The following TECRL variants were observed in gnomAD, a reference collection of about 807,000 sequenced individuals.
The protein encoded by TECRL is trans-2,3-enoyl-CoA reductase like.
A neutral mutation model predicts 52.8 loss-of-function variants in TECRL; 63 were observed. The ratio of observed to expected loss-of-function variants is 1.19; its 90% CI spans 0.97 to 1.47. The LOEUF is 1.47. TECRL is among the 40% of genes most tolerant of loss of function. The pLI is 0.00. For synonymous variants in TECRL, 164 were observed against 141.9 expected, an observed-to-expected ratio of 1.16 and a Z score of -1.10; for missense variants, 482 against 429.6, an observed-to-expected ratio of 1.12 and a Z score of -1.08.
At chr4:64,297,540 T>C (rs1414223867) in intron 8 of TECRL, among the ~76,000 whole-genome samples, 1 of 151,074 alleles carries the variant, frequency 6.6e-6, no homozygotes, top group East Asian at 1.9e-4. Context: ...TTCTGTACAA[T>C]ATGGATTGTA....
chr4:64,349,855 G>A (rs1049724305), intron 2 of TECRL, among the ~76,000 whole-genome samples: 6 of 152,106 alleles, frequency 3.9e-5, no homozygotes, highest in Admixed American at 3.9e-4. Flanking sequence ...GGAATTTATA[G>A]GTGAAGAGTA....
intron 9 of TECRL, among the ~76,000 whole-genome samples, chr4:64,286,256 A>G (rs958961074): frequency 6.6e-6 from 1 of 152,090 alleles, no homozygotes; most frequent in Non-Finnish European, 1.5e-5. Context: ...ATAATACAAA[A>G]TAAGAGTTGA....
chr4:64,296,882 T>C (rs1328126372), intron 8 of TECRL, among the ~76,000 whole-genome samples: 1 of 151,640 alleles, frequency 6.6e-6, no homozygotes, highest in Non-Finnish European at 1.5e-5. Context: ...AAAGTTATTC[T>C]GATGTCTTCA....
intron 2 of TECRL, among the ~76,000 whole-genome samples, chr4:64,364,951 A>C (rs1721489853): frequency 6.6e-6 from 1 of 151,990 alleles, no homozygotes; most frequent in Admixed American, 6.6e-5. Context: ...GAGACATAAC[A>C]AAATAAGAAA....
intron 1 of TECRL, among the ~76,000 whole-genome samples, chr4:64,398,409 C>T (rs529341975): frequency 7.2e-5 from 11 of 152,110 alleles, no homozygotes; most frequent in Admixed American, 3.3e-4. Context: ...TCTCTTGGTA[C>T]TGTCCTCAAA....
chr4:64,409,214 T>C lies in TECRL; in HGVS notation c.138A>G (p.Leu46=), dbSNP rs1560569005. ...AATGTTTGACTGCTGGAGTTGGTCTTAGAGGGCCCGCTGAGAGTACAAGTT... is the reference window on the plus strand; with the variant it reads ...AATGTTTGACTGCTGGAGTTGGTCTCAGAGGGCCCGCTGAGAGTACAAGTT... The part of the protein sequence containing the change: ...LSKLVLSAGP[L]RPTPAVKHSK... The change falls in exon 1 of 12, where the codon CTA becomes CTG. Residue 46 remains leucine (L), a synonymous_variant. Transcript: ENST00000381210. 1 of 1,613,848 alleles carries C rather than the reference T, an allele frequency of 6.2e-7. No homozygotes were observed. Among genetic ancestry groups the C allele is most frequent in the Non-Finnish European group, 8.5e-7 (1 of 1,179,848 alleles).
At chr4:64,319,374 C>A (rs559044199) in intron 4 of TECRL, among the ~76,000 whole-genome samples, 2 of 151,694 alleles carry the variant, frequency 1.3e-5, no homozygotes, top group Non-Finnish European at 3.0e-5. Context: ...GGAGAGAACT[C>A]CAGGACCTAC....
intron 2 of TECRL, among the ~76,000 whole-genome samples, chr4:64,330,467 TA>T (rs1718561368): frequency 6.6e-6 from 1 of 151,752 alleles, no homozygotes; most frequent in African/African-American, 2.4e-5. Context: ...ATAATAGGAG[TA>T]AAATATATCT....
At chr4:64,341,918 CCTGATCCAACA>C (rs150114748) in intron 2 of TECRL, among the ~76,000 whole-genome samples, 11,830 of 152,202 alleles carry the variant, frequency 0.078, 617 homozygotes, top group African/African-American at 0.14. Flanking sequence ...TGTGGAGTGG[CCTGATCCAACA>C]CTCACTCACA....
chr4:64,369,600 G>C (rs1291560888), intron 2 of TECRL, among the ~76,000 whole-genome samples: 1 of 152,094 alleles, frequency 6.6e-6, no homozygotes, highest in Non-Finnish European at 1.5e-5. Flanking sequence ...AGTGGTCATA[G>C]TACAGGGTAC....
intron 2 of TECRL, among the ~76,000 whole-genome samples, chr4:64,347,919 G>A (rs1043412758): frequency 3.9e-5 from 6 of 152,084 alleles, no homozygotes; most frequent in African/African-American, 1.4e-4. Flanking sequence ...GCATTTTGAC[G>A]ACAACCAGTC....
At chr4:64,306,261 G>A (rs949344772) in intron 6 of TECRL, among the ~76,000 whole-genome samples, 4 of 152,072 alleles carry the variant, frequency 2.6e-5, no homozygotes, top group Non-Finnish European at 5.9e-5. Context: ...CTCTTCATCC[G>A]TGGGTGTTGG....
chr4:64,297,211 A>G (rs2109966246), intron 8 of TECRL, among the ~76,000 whole-genome samples: 1 of 151,588 alleles, frequency 6.6e-6, no homozygotes, highest in African/African-American at 2.4e-5. Context: ...AAATAAATTA[A>G]TAACCATTAA....
At chr4:64,403,175 T>C (rs1724475838) in intron 1 of TECRL, among the ~76,000 whole-genome samples, 1 of 152,008 alleles carries the variant, frequency 6.6e-6, no homozygotes, top group African/African-American at 2.4e-5. Flanking sequence ...CTGGTTCTTT[T>C]CTCTTCCTAC....
intron 2 of TECRL, among the ~76,000 whole-genome samples, chr4:64,360,668 T>C (rs1721115888): frequency 1.3e-5 from 2 of 152,004 alleles, no homozygotes; most frequent in Non-Finnish European, 2.9e-5. Context: ...ACACAGATCC[T>C]GGGTTAAAAG....
At chr4:64,336,316 T>C (rs1425062969) in intron 2 of TECRL, among the ~76,000 whole-genome samples, 9 of 152,228 alleles carry the variant, frequency 5.9e-5, no homozygotes, top group Non-Finnish European at 7.3e-5. Context: ...GTTTATAGTA[T>C]TCTCTGATGG....
At chr4:64,370,187 C>A (rs940705312) in intron 2 of TECRL, among the ~76,000 whole-genome samples, 13 of 151,616 alleles carry the variant, frequency 8.6e-5, no homozygotes, top group African/African-American at 3.1e-4. Context: ...CCAAGAAATA[C>A]CGATGCTATA....
chr4:64,387,133 C>T (rs1040836228), intron 1 of TECRL, among the ~76,000 whole-genome samples: 1 of 152,170 alleles, frequency 6.6e-6, no homozygotes, highest in Non-Finnish European at 1.5e-5. Flanking sequence ...CATTGTTTTG[C>T]CTTCCCAGAA....
At chr4:64,342,440 T>G (rs967919790) in intron 2 of TECRL, among the ~76,000 whole-genome samples, 12 of 151,458 alleles carry the variant, frequency 7.9e-5, no homozygotes, top group African/African-American at 2.9e-4. Context: ...TATATGTGTG[T>G]GTGTGTGTGT....
Sources: allele counts gnomAD v4.1 joint callset (sites outside exome capture counted in the v4.1 genomes callset), GRCh38; gene constraint gnomAD v4.1.1; transcripts MANE v1.5; gene names NCBI Gene and HGNC (gene_info 2026-07-23, HGNC 2026-07-21).